Variants in HTR7 observed in about 807,000 individuals in gnomAD.
HTR7 encodes 5-HT-7.
Under a neutral mutation model 34.0 loss-of-function variants are expected in HTR7, and 16 were observed. That is an observed-to-expected ratio of 0.47 (90% CI 0.32 to 0.71). The LOEUF (loss-of-function observed/expected upper bound fraction) is 0.71. HTR7 is among the 30% of genes least tolerant of loss of function. The pLI is 0.04. For synonymous variants in HTR7, 265 were observed against 260.2 expected (o/e 1.02, Z -0.18); for missense variants, 504 against 625.5 (o/e 0.81, Z 2.07).
chr10:90,825,928 G>A lies in HTR7; in HGVS notation c.539+31205C>T, dbSNP rs894359693. Among the ~76,000 whole-genome samples, 3 of 152,256 alleles carry A rather than the reference G, an allele frequency of 2.0e-5. No homozygotes were observed. In the East Asian group the frequency reaches 5.8e-4, roughly 29 times the overall value. On this transcript the variant is annotated intron_variant, in intron 1 of 3. Coordinates refer to ENST00000336152, the MANE Select transcript of HTR7 (RefSeq NM_019859.4). ...TAAAGAGGAAGTGGAGAGAGAGATA[G>A]GGATTGAAAGTTTATTCAAAGGGAT...
chr10:90,812,864 T>C (rs1481201815), intron 1 of HTR7, among the ~76,000 whole-genome samples: 2 of 152,208 alleles, frequency 1.3e-5, no homozygotes, highest in Non-Finnish European at 2.9e-5. Context: ...CTTGCACATA[T>C]TCGCCCAGAT....
At chr10:90,758,333 A>C (rs1409037390) in intron 1 of HTR7, among the ~76,000 whole-genome samples, 2 of 73,484 alleles carry the variant, frequency 2.7e-5, no homozygotes, top group Admixed American at 1.5e-4. Context: ...CGACAAAGCA[A>C]GGCTCTGTCT....
chr10:90,745,804 A>G (rs1844624086), intron 2 of HTR7, among the ~76,000 whole-genome samples: 1 of 152,214 alleles, frequency 6.6e-6, no homozygotes, highest in Admixed American at 6.6e-5. Flanking sequence ...TACTTATGTC[A>G]GTGACAAATT....
At chr10:90,796,575 G>T (rs181403396) in intron 1 of HTR7, among the ~76,000 whole-genome samples, 5 of 152,124 alleles carry the variant, frequency 3.3e-5, no homozygotes. Flanking sequence ...GCCAGGTGTC[G>T]TGACAAGTGC....
intron 1 of HTR7, among the ~76,000 whole-genome samples, chr10:90,779,091 C>A (rs1337187325): frequency 6.6e-6 from 1 of 152,150 alleles, no homozygotes; most frequent in Admixed American, 6.5e-5. Flanking sequence ...TGATGAAAGG[C>A]CAGGAGGAAG....
intron 2 of HTR7, among the ~76,000 whole-genome samples, chr10:90,747,643 C>T (rs1303004390): frequency 6.6e-6 from 1 of 152,150 alleles, no homozygotes. Context: ...TGTGAGACAT[C>T]TCACTTTTCA....
intron 1 of HTR7, among the ~76,000 whole-genome samples, chr10:90,750,664 C>G (rs1352043137): frequency 6.6e-6 from 1 of 152,098 alleles, no homozygotes; most frequent in East Asian, 1.9e-4. Context: ...CCTAACTTAC[C>G]AACAGGTTAT....
chr10:90,834,043 C>T (rs10785972), intron 1 of HTR7, among the ~76,000 whole-genome samples: 57,241 of 151,984 alleles, frequency 0.38, 11,859 homozygotes, highest in African/African-American at 0.56. Context: ...GTAAAAGGCA[C>T]GCTTACTGCA....
At chr10:90,853,978 C>T (rs922717631) in intron 1 of HTR7, among the ~76,000 whole-genome samples, 34 of 152,264 alleles carry the variant, frequency 2.2e-4, no homozygotes, top group Admixed American at 1.3e-3. Context: ...GAAGCAGAGC[C>T]GTGGCTGGAG....
In HTR7 at chr10:90,847,798, T is replaced by C. The variant is rs573704930; in HGVS notation, c.539+9335A>G. 5.9e-5 allele frequency among the ~76,000 whole-genome samples: 9 copies of C among 152,364 alleles called. No individual in the cohort carries two copies. In the East Asian group the frequency reaches 1.7e-3, roughly 29 times the overall value. The stretch of plus-strand genomic sequence containing the variant: ...TTGCTGACAGCATTAAAACAATAAC[T>C]GTATCTGCTCAGATTAATCATATAT... On this transcript the variant is annotated intron_variant, in intron 1 of 3. Transcript: ENST00000336152.
chr10:90,759,445 GGA>G (rs1421841874), intron 1 of HTR7, among the ~76,000 whole-genome samples: 1 of 150,790 alleles, frequency 6.6e-6, no homozygotes, highest in African/African-American at 2.4e-5. Flanking sequence ...CATGAGGTCA[GGA>G]GATCGAGACC....
chr10:90,774,872 G>T (rs1684858948), intron 1 of HTR7, among the ~76,000 whole-genome samples: 3 of 152,002 alleles, frequency 2.0e-5, no homozygotes, highest in Non-Finnish European at 4.4e-5. Context: ...ATAGCGCAGT[G>T]GTAAGAAATA....
At chr10:90,818,211 T>C (rs1295841955) in intron 1 of HTR7, among the ~76,000 whole-genome samples, 1 of 152,186 alleles carries the variant, frequency 6.6e-6, no homozygotes, top group Non-Finnish European at 1.5e-5. Context: ...TAACGTAACA[T>C]TGTTCTGCAC....
chr10:90,843,386 G>T (rs1846359637), intron 1 of HTR7, among the ~76,000 whole-genome samples: 1 of 152,186 alleles, frequency 6.6e-6, no homozygotes, highest in Admixed American at 6.5e-5. Context: ...ACAAATTGAG[G>T]TGAGAATTAG....
intron 1 of HTR7, among the ~76,000 whole-genome samples, chr10:90,774,266 G>A (rs765323584): frequency 3.3e-5 from 5 of 152,138 alleles, no homozygotes; most frequent in Admixed American, 1.3e-4. Context: ...TACATGAAAA[G>A]GGGAGCAGCT....
intron 1 of HTR7, among the ~76,000 whole-genome samples, chr10:90,801,095 C>T (rs1011996963): frequency 6.6e-6 from 1 of 152,144 alleles, no homozygotes; most frequent in East Asian, 1.9e-4. Flanking sequence ...GTTCATTTTG[C>T]CACAGAACTC....
At chr10:90,831,715 T>G (rs1330892071) in intron 1 of HTR7, among the ~76,000 whole-genome samples, 1 of 152,186 alleles carries the variant, frequency 6.6e-6, no homozygotes, top group Non-Finnish European at 1.5e-5. Context: ...GGGTGCTGAT[T>G]GGTGCGTTTA....
At chr10:90,793,543 A>C (rs1845492387) in intron 1 of HTR7, among the ~76,000 whole-genome samples, 1 of 150,428 alleles carries the variant, frequency 6.6e-6, no homozygotes, top group South Asian at 2.1e-4. Context: ...GCTCAAAAAA[A>C]AAAAAAAAGA....
chr10:90,840,917 G>T (rs1320687841), intron 1 of HTR7, among the ~76,000 whole-genome samples: 1 of 152,114 alleles, frequency 6.6e-6, no homozygotes, highest in African/African-American at 2.4e-5. Flanking sequence ...TGACTCCAAG[G>T]CCTGGGCAGT....
Sources: gnomAD v4.1 joint callset for allele counts (sites outside exome capture counted in the v4.1 genomes callset) on GRCh38, gnomAD v4.1.1 for gene constraint, MANE v1.5 for transcripts, NCBI Gene and HGNC (gene_info 2026-07-23, HGNC 2026-07-21) for gene names.